Variants in MXI1 observed in about 807,000 individuals in gnomAD.
MXI1 encodes the protein max-interacting protein 1.
MXI1 carries 18 observed loss-of-function variants against 36.9 expected under a neutral mutation model. The observed-to-expected ratio is 0.49, with a 90% CI of 0.34 to 0.72. MXI1 has a LOEUF of 0.72. Ranked by LOEUF, MXI1 falls within the 30% of genes least tolerant of loss-of-function variation. The pLI is 0.01. For synonymous variants in MXI1, 160 were observed against 146.7 expected (o/e 1.09, Z -0.65); for missense variants, 304 against 379.1 (o/e 0.80, Z 1.64).
intron 3 of MXI1, among the ~76,000 whole-genome samples, chr10:110,269,083 T>C (rs889773729): frequency 7.2e-5 from 11 of 152,230 alleles, no homozygotes; most frequent in African/African-American, 2.7e-4. Flanking sequence ...AATGGGACTT[T>C]AAAAATAATT....
At chr10:110,271,706 G>C (rs1856859152) in intron 3 of MXI1, among the ~76,000 whole-genome samples, 1 of 152,188 alleles carries the variant, frequency 6.6e-6, no homozygotes, top group South Asian at 2.1e-4. Context: ...CTAAATTATA[G>C]TCTTCAAACA....
Position 110,215,030 on chromosome 10 carries a change from A to ATTTTTTTT in MXI1, c.274+6948_274+6949insTTTTTTTT, listed in dbSNP as rs1854598376. Among the ~76,000 whole-genome samples, 6 of 98,910 alleles carry ATTTTTTTT rather than the reference A, an allele frequency of 6.1e-5. No homozygotes were observed. The East Asian group carries it at 1.1e-3, about 19-fold the overall frequency. 64.9% of individuals were successfully genotyped at this position (98,910 alleles called of 152,430 possible). A position where few individuals can be genotyped will look rare whatever the true frequency, so the allele number is the denominator to read the frequency against. On this transcript the variant is annotated intron_variant, in intron 1 of 5. Transcript: ENST00000332674. ...CCCATTTTTCTTTCTGCTCCACTTC[A>ATTTTTTTT]GTTTTTTTTTTTGTTTTTTTTTTTT...
At chr10:110,258,797 G>C (rs1856404505) in intron 3 of MXI1, among the ~76,000 whole-genome samples, 1 of 152,144 alleles carries the variant, frequency 6.6e-6, no homozygotes, top group South Asian at 2.1e-4. Flanking sequence ...AGTCATTGCA[G>C]TTGTGTCTAG....
intron 3 of MXI1, among the ~76,000 whole-genome samples, chr10:110,270,427 C>G (rs950642360): frequency 2.0e-5 from 3 of 149,536 alleles, no homozygotes; most frequent in East Asian, 2.0e-4. Flanking sequence ...GCCTCTGGAA[C>G]AAGATTTAAT....
chr10:110,223,651 C>G (rs1348999681), intron 1 of MXI1, among the ~76,000 whole-genome samples: 2 of 152,034 alleles, frequency 1.3e-5, no homozygotes, highest in Non-Finnish European at 2.9e-5. Flanking sequence ...ATGGTATTTT[C>G]TTTAAAATAA....
intron 2 of MXI1, among the ~76,000 whole-genome samples, chr10:110,234,055 A>G (rs879888691): frequency 3.3e-5 from 5 of 152,218 alleles, no homozygotes; most frequent in Non-Finnish European, 7.4e-5. Context: ...ATTAAAGCAC[A>G]TGTGGCTTAG....
At chr10:110,226,054 G>A in intron 1 of MXI1, 1 of 993,446 alleles carries the variant, frequency 1.0e-6, no homozygotes, top group South Asian at 4.7e-5. Context: ...CGGCTGGGGC[G>A]GCAGGGGCGG....
At chr10:110,263,416 A>G (rs1244252838) in intron 3 of MXI1, among the ~76,000 whole-genome samples, 2 of 152,118 alleles carry the variant, frequency 1.3e-5, no homozygotes, top group Middle Eastern at 3.2e-3. Flanking sequence ...TCATAATGGG[A>G]CCTCTTTGCT....
chr10:110,266,040 T>C (rs1856667458), intron 3 of MXI1, among the ~76,000 whole-genome samples: 1 of 152,124 alleles, frequency 6.6e-6, no homozygotes, highest in Non-Finnish European at 1.5e-5. Context: ...GATACAACCT[T>C]CTTACTAATT....
intron 3 of MXI1, among the ~76,000 whole-genome samples, chr10:110,258,904 C>T (rs962293814): frequency 2.7e-5 from 4 of 147,514 alleles, no homozygotes; most frequent in Non-Finnish European, 3.0e-5. Context: ...AGCAAGGTGA[C>T]AGAGGCTCAT....
chr10:110,226,343 T>C (rs1428245715), intron 1 of MXI1: 4 of 1,415,040 alleles, frequency 2.8e-6, no homozygotes, highest in African/African-American at 1.6e-5. Flanking sequence ...GGCAGTGCGG[T>C]GCGGCCGGTA....
Position 110,207,894 on chromosome 10 carries a change from C to T in MXI1, c.86C>T (p.Ala29Val), listed in dbSNP as rs753454623. 8.0e-6 allele frequency: 11 copies of T among 1,378,198 alleles called. No individual in the cohort carries two copies. In the Admixed American group the frequency reaches 3.5e-4, roughly 44 times the overall value. The allele number at this position is 1,378,198 out of a possible 1,614,324, so 85.4% of individuals were successfully genotyped here. Residue 29 changes from alanine to valine, a missense_variant, in exon 1 of 6, where the codon GCC becomes GTC. This residue lies in a region of MXI1 where 179 missense variants were observed against 184.8 expected (regional missense o/e 0.97). Coordinates refer to ENST00000332674, the MANE Select transcript of MXI1 (RefSeq NM_130439.3). ...APAAPPAVPP[A>V]VAAPQPPALP... Reference sequence around the variant, plus strand: ...GCCGCGCCCCCGGCTGTGCCCCCCGCCGTGGCCGCGCCCCAGCCCCCGGCC... The same window carrying T: ...GCCGCGCCCCCGGCTGTGCCCCCCGTCGTGGCCGCGCCCCAGCCCCCGGCC...
chr10:110,233,543 TA>T (rs1855348695), intron 2 of MXI1, among the ~76,000 whole-genome samples: 1 of 152,086 alleles, frequency 6.6e-6, no homozygotes, highest in Non-Finnish European at 1.5e-5. Flanking sequence ...TTTTTTATAT[TA>T]AAAAGTAGTT....
At chr10:110,254,791 G>T (rs1856227351) in intron 3 of MXI1, among the ~76,000 whole-genome samples, 1 of 152,148 alleles carries the variant, frequency 6.6e-6, no homozygotes, top group African/African-American at 2.4e-5. Context: ...ATTCTGTGAA[G>T]GCTAAGAGAG....
In MXI1 at chr10:110,279,857, A is replaced by C. The variant is rs897402335; in HGVS notation, c.553-57A>C. 5 of 1,288,748 alleles carry C rather than the reference A, an allele frequency of 3.9e-6. No homozygotes were observed. The African/African-American group carries it at 5.9e-5, about 15-fold the overall frequency. The allele number at this position is 1,288,748 out of a possible 1,614,324, so 79.8% of individuals were successfully genotyped here. A position where few individuals can be genotyped will look rare whatever the true frequency, so the allele number is the denominator to read the frequency against. On this transcript the variant is annotated intron_variant, in intron 4 of 5. Coordinates refer to ENST00000332674, the MANE Select transcript of MXI1 (RefSeq NM_130439.3). ...TGTTTTCTCTGCTAAAGGAGGAATC[A>C]GTTTTATTGTTTGTACTGGACTATA...
intron 3 of MXI1, among the ~76,000 whole-genome samples, chr10:110,270,148 A>C (rs1408352460): frequency 6.6e-6 from 1 of 152,252 alleles, no homozygotes; most frequent in Non-Finnish European, 1.5e-5. Context: ...TTTTGTATTT[A>C]GAACAAATTG....
chr10:110,256,778 ACC>A (rs962825633), intron 3 of MXI1, among the ~76,000 whole-genome samples: 3 of 152,138 alleles, frequency 2.0e-5, no homozygotes, highest in African/African-American at 7.2e-5. Flanking sequence ...CATACCAGTT[ACC>A]ACTGATCAGA....
At chr10:110,282,646 C>T (rs1394861488) in intron 5 of MXI1, among the ~76,000 whole-genome samples, 4 of 152,070 alleles carry the variant, frequency 2.6e-5, no homozygotes, top group Non-Finnish European at 5.9e-5. Context: ...ATTTTCATCA[C>T]TATAGCTCTC....
At chr10:110,242,201 T>TA (rs1020705054) in intron 2 of MXI1, among the ~76,000 whole-genome samples, 11 of 152,158 alleles carry the variant, frequency 7.2e-5, no homozygotes, top group African/African-American at 2.6e-4. Context: ...AAGCTTTTCT[T>TA]ACAGTGCCAT....
Sources: allele counts gnomAD v4.1 joint callset (sites outside exome capture counted in the v4.1 genomes callset), GRCh38; gene constraint gnomAD v4.1.1; regional missense constraint gnomAD v4.1.1; transcripts MANE v1.5; gene names NCBI Gene and HGNC (gene_info 2026-07-23, HGNC 2026-07-21).